LPP: variants seen among roughly 807,000 people sequenced by gnomAD.
The protein encoded by LPP is lipoma-preferred partner.
LPP carries 38 observed loss-of-function variants against 60.4 expected under a neutral mutation model. The observed-to-expected ratio is 0.63, with a 90% CI of 0.49 to 0.83. The LOEUF is 0.83. Ranked by LOEUF, LPP falls within the 40% of genes least tolerant of loss-of-function variation. LPP has a pLI of 0.00. For synonymous variants in LPP, 328 were observed against 290.8 expected (o/e 1.13, Z -1.30); for missense variants, 902 against 783.6 (o/e 1.15, Z -1.80).
rs547059651 is a variant in LPP at position 188,881,109 on chromosome 3, C to G, written c.*6630C>G. 7.5e-6 allele frequency: 1 copy of G among 133,882 alleles called. No homozygotes were observed. Among genetic ancestry groups the G allele is most frequent in the Non-Finnish European group, 1.5e-5 (1 of 64,580 alleles). 8.3% of individuals were successfully genotyped at this position (133,882 alleles called of 1,614,324 possible). On this transcript the variant is annotated 3_prime_UTR_variant, in exon 12 of 12. Transcript: ENST00000617246. Reference sequence around the variant, plus strand: ...GAGCCGAGATAGCGCCACTGCAGTCCGGCCTGGGCGAAAGAGCGAGACTCC... The same window carrying G: ...GAGCCGAGATAGCGCCACTGCAGTCGGGCCTGGGCGAAAGAGCGAGACTCC...
At chr3:188,702,910 C>T (rs948251230) in intron 7 of LPP, among the ~76,000 whole-genome samples, 2 of 152,092 alleles carry the variant, frequency 1.3e-5, no homozygotes, top group Non-Finnish European at 2.9e-5. Flanking sequence ...ATCAAAACCC[C>T]GAGAGGCATT....
chr3:188,200,190 C>G (rs373818454), intron 1 of LPP, among the ~76,000 whole-genome samples: 4 of 150,824 alleles, frequency 2.7e-5, no homozygotes, highest in African/African-American at 9.8e-5. Context: ...TATAATTTAA[C>G]AGGAAAGAGA....
rs1769235810 is a variant in LPP at position 188,876,185 on chromosome 3, A to T, written c.*1706A>T. The T allele has an allele frequency of 5.4e-6, 1 of 186,870 alleles. No individual in the cohort carries two copies. The highest frequency in any genetic ancestry group is 2.0e-4 in the South Asian group (1 of 5,108). 11.6% of individuals were successfully genotyped at this position (186,870 alleles called of 1,614,324 possible). A position where few individuals can be genotyped will look rare whatever the true frequency, so the allele number is the denominator to read the frequency against. On this transcript the variant is annotated 3_prime_UTR_variant, in exon 12 of 12. Transcript: ENST00000617246. ...TCAGAACTGAAATAAAAAATTATGG[A>T]TACGTGTTTTGAATTGCAAACTATT...
At chr3:188,537,911 G>A (rs906704452) in intron 6 of LPP, among the ~76,000 whole-genome samples, 1 of 152,170 alleles carries the variant, frequency 6.6e-6, no homozygotes, top group Non-Finnish European at 1.5e-5. Context: ...GATCAATGGA[G>A]TAGAATTGAG....
At chr3:188,870,081 T>C (rs1431545535) in intron 10 of LPP, among the ~76,000 whole-genome samples, 4 of 152,216 alleles carry the variant, frequency 2.6e-5, no homozygotes, top group African/African-American at 9.6e-5. Flanking sequence ...TTATAGAGTT[T>C]TATAAGTCTG....
intron 2 of LPP, among the ~76,000 whole-genome samples, chr3:188,272,978 C>A (rs927884340): frequency 3.3e-5 from 5 of 152,182 alleles, no homozygotes; most frequent in Non-Finnish European, 7.3e-5. Flanking sequence ...TATTTACTAA[C>A]GAGCAAAGCG....
intron 7 of LPP, among the ~76,000 whole-genome samples, chr3:188,692,942 A>G (rs1350497822): frequency 1.3e-5 from 2 of 152,204 alleles, no homozygotes; most frequent in Non-Finnish European, 2.9e-5. Flanking sequence ...CAGTCACTAC[A>G]TTAGATGATT....
intron 7 of LPP, among the ~76,000 whole-genome samples, chr3:188,681,545 G>T (rs1202014071): frequency 5.3e-5 from 8 of 152,148 alleles, no homozygotes. Flanking sequence ...TATGCCATCT[G>T]TATGCTTCCT....
chr3:188,250,808 C>CTTTCTCTTTCTTTCTT (rs749622593), intron 2 of LPP, among the ~76,000 whole-genome samples: 2 of 132,090 alleles, frequency 1.5e-5, no homozygotes, highest in East Asian at 4.3e-4. Context: ...TTCTTTCTTT[C>CTTTCTCTTTCTTTCTT]TCTTTCTTTC....
chr3:188,409,026 T>A (rs1199010421), intron 4 of LPP, among the ~76,000 whole-genome samples: 1 of 152,218 alleles, frequency 6.6e-6, no homozygotes, highest in Non-Finnish European at 1.5e-5. Flanking sequence ...GCTCATATTA[T>A]GCTACTGTGT....
At chr3:188,170,779 C>T (rs1258198692) in intron 1 of LPP, among the ~76,000 whole-genome samples, 1 of 152,100 alleles carries the variant, frequency 6.6e-6, no homozygotes, top group African/African-American at 2.4e-5. Context: ...CATTCTTATT[C>T]ATCTGAATCA....
intron 1 of LPP, among the ~76,000 whole-genome samples, chr3:188,164,102 G>A (rs1027311034): frequency 1.3e-4 from 20 of 152,286 alleles, no homozygotes; most frequent in Admixed American, 3.3e-4. Context: ...AGAGAGTGCC[G>A]TGGGAGAGGC....
intron 7 of LPP, among the ~76,000 whole-genome samples, chr3:188,693,071 T>C (rs977348629): frequency 6.6e-6 from 1 of 152,242 alleles, no homozygotes; most frequent in Non-Finnish European, 1.5e-5. Context: ...GGTGGTATCA[T>C]GAAAATAACA....
intron 3 of LPP, among the ~76,000 whole-genome samples, chr3:188,385,242 T>C (rs995301944): frequency 1.6e-4 from 25 of 152,162 alleles, no homozygotes; most frequent in Admixed American, 1.4e-3. Context: ...CACTTTTTAC[T>C]TTGGACCAGA....
At chr3:188,561,196 T>C (rs889618451) in intron 6 of LPP, among the ~76,000 whole-genome samples, 2 of 152,114 alleles carry the variant, frequency 1.3e-5, no homozygotes, top group South Asian at 2.1e-4. Flanking sequence ...TAACTTTAAA[T>C]TCCTTATTAA....
intron 2 of LPP, among the ~76,000 whole-genome samples, chr3:188,252,770 A>G (rs1730323465): frequency 6.6e-6 from 1 of 151,758 alleles, no homozygotes; most frequent in Non-Finnish European, 1.5e-5. Flanking sequence ...CCCATTTTAA[A>G]ATTTTATTTT....
intron 9 of LPP, among the ~76,000 whole-genome samples, chr3:188,836,781 T>C (rs1758555075): frequency 6.6e-6 from 1 of 152,250 alleles, no homozygotes; most frequent in South Asian, 2.1e-4. Flanking sequence ...ATATTTTCAG[T>C]ATCTTCCCAC....
chr3:188,499,023 G>A (rs752116077), intron 5 of LPP, among the ~76,000 whole-genome samples: 6 of 151,420 alleles, frequency 4.0e-5, no homozygotes, highest in Admixed American at 3.9e-4. Flanking sequence ...TTTGAGTTTT[G>A]TAAGGTCTCT....
chr3:188,867,526 T>C (rs900577849), intron 10 of LPP, among the ~76,000 whole-genome samples: 9 of 151,964 alleles, frequency 5.9e-5, no homozygotes, highest in African/African-American at 1.9e-4. Flanking sequence ...GTATTTTTAG[T>C]AGAGATGGGG....
Sources: gnomAD v4.1 joint callset for allele counts (sites outside exome capture counted in the v4.1 genomes callset) on GRCh38, gnomAD v4.1.1 for gene constraint, MANE v1.5 for transcripts, NCBI Gene and HGNC (gene_info 2026-07-23, HGNC 2026-07-21) for gene names.